Variants in SVOPL observed in about 807,000 individuals in gnomAD.
SVOPL encodes SVOP like, also known as putative transporter SVOPL.
Under a neutral mutation model 61.0 loss-of-function variants are expected in SVOPL, and 60 were observed. The observed-to-expected ratio is 0.98, with a 90% confidence interval of 0.80 to 1.22. SVOPL has a LOEUF of 1.22. SVOPL is among the 50% of genes most tolerant of loss of function. SVOPL has a pLI of 0.00. For missense variants in SVOPL, 662 were observed against 643.9 expected (o/e 1.03, Z -0.30); for synonymous variants, 279 against 250.0 (o/e 1.12, Z -1.09).
chr7:138,609,315 G>C (rs1239560934), intron 14 of SVOPL, among the ~76,000 whole-genome samples: 1 of 151,982 alleles, frequency 6.6e-6, no homozygotes, highest in Non-Finnish European at 1.5e-5. Context: ...CCAATTTCTA[G>C]GGATTCACCC....
At chr7:138,667,322 C>T (rs972218862) in intron 4 of SVOPL, among the ~76,000 whole-genome samples, 3 of 152,154 alleles carry the variant, frequency 2.0e-5, no homozygotes, top group African/African-American at 7.2e-5. Flanking sequence ...AGATGCATAT[C>T]CTCCTATAAA....
In SVOPL at chr7:138,680,800, G is replaced by C. The variant is rs141312038; in HGVS notation, c.-34-1721C>G. Among the ~76,000 whole-genome samples the C allele has an allele frequency of 8.4e-3, 1,281 of 152,058 alleles. 15 individuals carry two copies. The highest frequency in any genetic ancestry group is 0.029 in the African/African-American group (1,213 of 41,480). On this transcript the variant is annotated intron_variant, in intron 1 of 15. Coordinates refer to ENST00000674285, the MANE Select transcript of SVOPL (RefSeq NM_001139456.2). ...TCACCGTGTTAGCCAGGATGGTCTC[G>C]ATCTCCTGACCTTGTGAATCCGCCC...
chr7:138,600,922 C>A (rs1225536503), intron 14 of SVOPL, among the ~76,000 whole-genome samples: 1 of 152,050 alleles, frequency 6.6e-6, no homozygotes, highest in African/African-American at 2.4e-5. Flanking sequence ...AGTAGTACTA[C>A]CAGAGGATTC....
chr7:138,678,947 T>C lies in SVOPL; in HGVS notation c.82+17A>G. On this transcript the variant is annotated intron_variant, in intron 2 of 15. Transcript: ENST00000674285. ...CTAAGCAGCAGGTTGAGCTGGAGAC[T>C]TCTATGATAATCTCACCTTTAACCT... 1 of 1,550,632 alleles carries C rather than the reference T, an allele frequency of 6.4e-7. No homozygotes were observed. Among genetic ancestry groups the C allele is most frequent in the Non-Finnish European group, 8.7e-7 (1 of 1,146,372 alleles).
intron 1 of SVOPL, among the ~76,000 whole-genome samples, chr7:138,688,570 AG>A (rs1172905075): frequency 6.6e-6 from 1 of 152,182 alleles, no homozygotes; most frequent in African/African-American, 2.4e-5. Flanking sequence ...GCGCCCAGCC[AG>A]ATCCCTAAAA....
intron 13 of SVOPL, among the ~76,000 whole-genome samples, chr7:138,623,437 A>C (rs998894785): frequency 1.3e-5 from 2 of 152,080 alleles, no homozygotes; most frequent in African/African-American, 4.8e-5. Flanking sequence ...CATCTTTACT[A>C]AAAATACAAA....
chr7:138,619,675 A>G (rs185412532), intron 14 of SVOPL, among the ~76,000 whole-genome samples: 35 of 152,040 alleles, frequency 2.3e-4, no homozygotes, highest in African/African-American at 8.4e-4. Context: ...TGTGGGAAAT[A>G]CCTGATAAAG....
intron 4 of SVOPL, among the ~76,000 whole-genome samples, chr7:138,670,424 T>C (rs914010991): frequency 2.0e-5 from 3 of 152,142 alleles, no homozygotes; most frequent in African/African-American, 7.2e-5. Flanking sequence ...GAACCTAAGA[T>C]TGGCTTTTTG....
chr7:138,623,864 G>A (rs899802428), intron 13 of SVOPL, among the ~76,000 whole-genome samples: 1 of 151,818 alleles, frequency 6.6e-6, no homozygotes, highest in Non-Finnish European at 1.5e-5. Flanking sequence ...TCTGTCACCG[G>A]GCTGCAGTGC....
chr7:138,668,769 T>C (rs1399763429), intron 4 of SVOPL, among the ~76,000 whole-genome samples: 109 of 152,204 alleles, frequency 7.2e-4, no homozygotes, highest in Admixed American at 7.1e-3. Flanking sequence ...CCGGGGCTAC[T>C]CCTTTGAGCA....
chr7:138,672,639 GTGTT>G (rs1195607099), intron 3 of SVOPL, among the ~76,000 whole-genome samples: 1 of 88,358 alleles, frequency 1.1e-5, no homozygotes, highest in African/African-American at 6.2e-5. Flanking sequence ...CAGCAGGAAA[GTGTT>G]TTTTTTTGTG....
chr7:138,634,193 T>C (rs569739076), intron 9 of SVOPL, among the ~76,000 whole-genome samples: 141 of 152,318 alleles, frequency 9.3e-4, no homozygotes, highest in African/African-American at 3.2e-3. Flanking sequence ...TTGGATCCTG[T>C]TCTTCCTCAT....
Position 138,699,311 on chromosome 7 carries a change from T to TA in SVOPL, c.-35+1866dup, listed in dbSNP as rs1447272938. On this transcript the variant is annotated intron_variant, in intron 1 of 15. Transcript: ENST00000674285. The stretch of plus-strand genomic sequence containing the variant: ...AACAGCGAAACTCCATCTCAAAAAA[T>TA]AAAAAAATAATAAAAACAAAAATAA... 3.3e-5 allele frequency among the ~76,000 whole-genome samples: 5 copies of TA among 151,930 alleles called. No homozygotes were observed. The East Asian group carries it at 9.7e-4, about 29-fold the overall frequency.
intron 15 of SVOPL, among the ~76,000 whole-genome samples, chr7:138,596,101 A>G (rs140319712): frequency 0.01 from 1,572 of 151,792 alleles, 10 homozygotes; most frequent in Middle Eastern, 0.02. Flanking sequence ...AGGCAGGAGA[A>G]GCACTTAAAC....
At chr7:138,684,454 T>C (rs1486559843) in intron 1 of SVOPL, among the ~76,000 whole-genome samples, 1 of 151,828 alleles carries the variant, frequency 6.6e-6, no homozygotes, top group African/African-American at 2.4e-5. Flanking sequence ...AGCAGACAGT[T>C]TTCAAGTGAA....
intron 1 of SVOPL, among the ~76,000 whole-genome samples, chr7:138,679,671 T>C (rs1802658148): frequency 6.6e-6 from 1 of 152,140 alleles, no homozygotes; most frequent in South Asian, 2.1e-4. Context: ...GATATAATAA[T>C]GGCACCCAAC....
intron 4 of SVOPL, 65 bp downstream of exon 4, chr7:138,671,954 G>T: frequency 6.9e-7 from 1 of 1,451,552 alleles, no homozygotes; most frequent in Non-Finnish European, 9.5e-7. Context: ...CAGCCCTGCA[G>T]GATGGAGGAA....
intron 4 of SVOPL, among the ~76,000 whole-genome samples, chr7:138,667,462 CAGA>C (rs1167960078): frequency 2.0e-5 from 3 of 152,046 alleles, no homozygotes; most frequent in Non-Finnish European, 4.4e-5. Flanking sequence ...TCATTCTTCC[CAGA>C]AGATGAGACC....
At chr7:138,610,151 C>T (rs7801298) in intron 14 of SVOPL, among the ~76,000 whole-genome samples, 7,127 of 152,218 alleles carry the variant, frequency 0.047, 195 homozygotes, top group Middle Eastern at 0.092. Flanking sequence ...AGCTTAATGC[C>T]TATTTTTTAT....
Sources: allele counts gnomAD v4.1 joint callset (sites outside exome capture counted in the v4.1 genomes callset), GRCh38; gene constraint gnomAD v4.1.1; transcripts MANE v1.5; gene names NCBI Gene and HGNC (gene_info 2026-07-23, HGNC 2026-07-21).